THSD4: variants seen among roughly 807,000 people sequenced by gnomAD.
THSD4 encodes the protein thrombospondin type 1 domain containing 4, also known as thrombospondin type-1 domain-containing protein 4.
In THSD4, 69 loss-of-function variants were observed where a neutral mutation model predicts 119.0. That is an observed-to-expected ratio of 0.58 (90% confidence interval 0.48 to 0.71). THSD4 has a LOEUF of 0.71. Among genes scored for constraint, THSD4 ranks in the 30% least tolerant of loss-of-function variants. The probability of loss-of-function intolerance (pLI) is 0.00; values close to 1 mark genes in which losing one functional copy is unlikely to be tolerated. For missense variants in THSD4, 1,393 were observed against 1,391.1 expected, an observed-to-expected ratio of 1.00 and a Z score of -0.02; for synonymous variants, 524 against 540.4, an observed-to-expected ratio of 0.97 and a Z score of 0.42.
chr15:71,540,174 G>A (rs75379335), intron 7 of THSD4, among the ~76,000 whole-genome samples: 11,392 of 124,852 alleles, frequency 0.091, 1,063 homozygotes, highest in East Asian at 0.47. Flanking sequence ...GTCTAGCTCT[G>A]TCGCCCAGGT....
At chr15:71,113,975 G>A (rs1361853037), upstream of THSD4, among the ~76,000 whole-genome samples, 2 of 151,684 alleles carry the variant, frequency 1.3e-5, no homozygotes, top group Admixed American at 6.6e-5. Flanking sequence ...GTATTTACTA[G>A]AGCTGTTAGA....
intron 7 of THSD4, among the ~76,000 whole-genome samples, chr15:71,599,655 G>C (rs1048973019): frequency 6.6e-6 from 1 of 152,204 alleles, no homozygotes; most frequent in African/African-American, 2.4e-5. Flanking sequence ...GCAAGGCCCT[G>C]CTCCATTTTC....
intron 8 of THSD4, among the ~76,000 whole-genome samples, chr15:71,691,224 G>A (rs1054514518): frequency 1.3e-5 from 2 of 152,172 alleles, no homozygotes; most frequent in African/African-American, 2.4e-5. Flanking sequence ...ACACAGCCCT[G>A]CCAACTCCTT....
chr15:71,739,672 G>A (rs1011049849), intron 11 of THSD4, among the ~76,000 whole-genome samples: 10 of 152,080 alleles, frequency 6.6e-5, no homozygotes, highest in Non-Finnish European at 1.3e-4. Context: ...TTGTAGTAAA[G>A]TCCTATTTTA....
intron 8 of THSD4, among the ~76,000 whole-genome samples, chr15:71,722,908 T>A (rs2052749856): frequency 6.6e-6 from 1 of 152,220 alleles, no homozygotes; most frequent in Non-Finnish European, 1.5e-5. Flanking sequence ...CCAAACACAC[T>A]GTTCTGAATT....
intron 7 of THSD4, among the ~76,000 whole-genome samples, chr15:71,517,240 A>C (rs920939489): frequency 6.6e-6 from 1 of 152,174 alleles, no homozygotes; most frequent in Non-Finnish European, 1.5e-5. Flanking sequence ...GGATCACTTC[A>C]GTCTGCTCTA....
At chr15:71,507,776 ATCAGAAAGC>A (rs2048212997) in intron 7 of THSD4, among the ~76,000 whole-genome samples, 1 of 152,210 alleles carries the variant, frequency 6.6e-6, no homozygotes, top group African/African-American at 2.4e-5. Context: ...TTTGACAGGT[ATCAGAAAGC>A]CACATGCCCT....
chr15:71,260,638 A>G (rs1302950665), intron 6 of THSD4, among the ~76,000 whole-genome samples: 1 of 152,184 alleles, frequency 6.6e-6, no homozygotes, highest in African/African-American at 2.4e-5. Context: ...CCAGGGAATC[A>G]GTAACATTAG....
In THSD4 at chr15:71,586,414, G is replaced by A. The variant is rs539283953; in HGVS notation, c.1153-74116G>A. On this transcript the variant is annotated intron_variant, in intron 7 of 17. Coordinates refer to ENST00000261862, the MANE Select transcript of THSD4 (RefSeq NM_024817.3). ...AGGGCACCACCCTCATCTAGAGCTT[G>A]GAATATTTTTCTAAGCTCACTGGTT... 4.6e-5 allele frequency among the ~76,000 whole-genome samples: 7 copies of A among 152,150 alleles called. No individual in the cohort carries two copies. The East Asian group carries it at 1.4e-3, about 29-fold the overall frequency.
At chr15:71,204,272 C>T (rs926815717) in intron 3 of THSD4, among the ~76,000 whole-genome samples, 1 of 152,096 alleles carries the variant, frequency 6.6e-6, no homozygotes, top group Non-Finnish European at 1.5e-5. Flanking sequence ...AGAGTGTTTC[C>T]GATTATGCAG....
intron 7 of THSD4, among the ~76,000 whole-genome samples, chr15:71,558,373 C>G (rs1263465676): frequency 1.3e-5 from 2 of 152,008 alleles, no homozygotes; most frequent in African/African-American, 4.8e-5. Flanking sequence ...TTATTTTTAG[C>G]CTTTAATCTG....
chr15:71,165,102 A>G (rs1413048183), intron 3 of THSD4: 1 of 1,611,210 alleles, frequency 6.2e-7, no homozygotes, highest in South Asian at 1.1e-5. Flanking sequence ...TACTCAGAGC[A>G]GAAGAGGAAG....
At chr15:71,156,437 G>T (rs1351970923) in intron 3 of THSD4, among the ~76,000 whole-genome samples, 1 of 151,728 alleles carries the variant, frequency 6.6e-6, no homozygotes, top group Non-Finnish European at 1.5e-5. Flanking sequence ...TTTTTTGTAT[G>T]ATCAGTAGAG....
At chr15:71,684,534 A>G (rs765069115) in intron 8 of THSD4, among the ~76,000 whole-genome samples, 6 of 151,254 alleles carry the variant, frequency 4.0e-5, no homozygotes, top group Non-Finnish European at 7.4e-5. Context: ...TTTTTTTACC[A>G]GGATGAGTTT....
intron 5 of THSD4, among the ~76,000 whole-genome samples, chr15:71,243,378 AC>A (rs1359186942): frequency 1.3e-5 from 2 of 152,176 alleles, no homozygotes; most frequent in Non-Finnish European, 2.9e-5. Flanking sequence ...TTGCTGCAAA[AC>A]AACCTCCAAA....
intron 8 of THSD4, among the ~76,000 whole-genome samples, chr15:71,720,036 C>T (rs28480574): frequency 0.92 from 94,414 of 103,000 alleles, 44,131 homozygotes; most frequent in Non-Finnish European, 0.99. Context: ...TTTTTTTTTT[C>T]TTTTTTTTTT....
intron 7 of THSD4, among the ~76,000 whole-genome samples, chr15:71,561,310 C>T (rs568356266): frequency 1.1e-4 from 17 of 152,176 alleles, no homozygotes; most frequent in South Asian, 2.1e-4. Flanking sequence ...ATGTCAATAT[C>T]GTAGAGTTTT....
chr15:71,428,352 C>T (rs951376761), intron 7 of THSD4, among the ~76,000 whole-genome samples: 1 of 152,120 alleles, frequency 6.6e-6, no homozygotes, highest in African/African-American at 2.4e-5. Context: ...AAGCAGTAGC[C>T]CCCTTTCCTT....
At chr15:71,598,488 C>A (rs72740614) in intron 7 of THSD4, among the ~76,000 whole-genome samples, 1 of 152,092 alleles carries the variant, frequency 6.6e-6, no homozygotes, top group Non-Finnish European at 1.5e-5. Flanking sequence ...TGACTGAAGA[C>A]TGGGGAGAAG....
Sources: allele counts gnomAD v4.1 joint callset (sites outside exome capture counted in the v4.1 genomes callset), GRCh38; gene constraint gnomAD v4.1.1; transcripts MANE v1.5; gene names NCBI Gene and HGNC (gene_info 2026-07-23, HGNC 2026-07-21).